The following CACNA1E variants were observed in gnomAD, a reference collection of about 807,000 sequenced individuals.
CACNA1E encodes the protein voltage-dependent R-type calcium channel subunit alpha-1E.
A neutral mutation model predicts 259.2 loss-of-function variants in CACNA1E; 40 were observed. That is an observed-to-expected ratio of 0.15 (90% confidence interval 0.12 to 0.20). The LOEUF is 0.20. Among genes scored for constraint, CACNA1E ranks in the 10% least tolerant of loss-of-function variants. The pLI, the probability that CACNA1E is intolerant of heterozygous loss-of-function variation, is 1.00. For synonymous variants in CACNA1E, 1,104 were observed against 1,138.5 expected (o/e 0.97, Z 0.61); for missense variants, 1,874 against 3,040.1 (o/e 0.62, Z 9.02).
At chr1:181,779,035 A>G (rs1196430969) in intron 38 of CACNA1E, among the ~76,000 whole-genome samples, 1 of 152,204 alleles carries the variant, frequency 6.6e-6, no homozygotes, top group Non-Finnish European at 1.5e-5. Flanking sequence ...TGAAAAGCAA[A>G]CAGTTCTGCA....
chr1:181,439,789 G>A (rs681590), intron 2 of CACNA1E, among the ~76,000 whole-genome samples: 9,365 of 152,204 alleles, frequency 0.062, 468 homozygotes, highest in African/African-American at 0.13. Flanking sequence ...ATTTTCCCGA[G>A]TGATGGCCAA....
chr1:181,668,089 A>G (rs1648423989), intron 7 of CACNA1E, among the ~76,000 whole-genome samples: 1 of 152,198 alleles, frequency 6.6e-6, no homozygotes, highest in African/African-American at 2.4e-5. Flanking sequence ...GTAAATTTGC[A>G]TAACCACTGC....
intron 1 of CACNA1E, among the ~76,000 whole-genome samples, chr1:181,508,718 A>G (rs1204936503): frequency 6.6e-6 from 1 of 152,152 alleles, no homozygotes; most frequent in Non-Finnish European, 1.5e-5. Context: ...TGGTCATGCT[A>G]GCTGGGTGGG....
intron 38 of CACNA1E, 44 bp from the exon 39 acceptor site, chr1:181,781,383 C>A: frequency 1.1e-6 from 1 of 931,716 alleles, no homozygotes; most frequent in Non-Finnish European, 1.7e-6. Context: ...ACCCCACTGC[C>A]CCGCTAACCC....
chr1:181,740,495 A>C (rs1265892514), intron 25 of CACNA1E, among the ~76,000 whole-genome samples: 2 of 144,564 alleles, frequency 1.4e-5, no homozygotes, highest in Non-Finnish European at 3.0e-5. Context: ...AAATTACCAG[A>C]TGTTTCTCAA....
chr1:181,373,102 T>C (rs1654824247), intron 1 of CACNA1E, among the ~76,000 whole-genome samples: 1 of 152,166 alleles, frequency 6.6e-6, no homozygotes, highest in African/African-American at 2.4e-5. Context: ...AGTTTTCTTT[T>C]TTCATTGTTT....
intron 1 of CACNA1E, among the ~76,000 whole-genome samples, chr1:181,494,000 T>A (rs993318056): frequency 6.6e-6 from 1 of 152,216 alleles, no homozygotes; most frequent in Non-Finnish European, 1.5e-5. Context: ...ACCATCCTCT[T>A]CCAGGCCTCC....
At position 181,451,135 on chromosome 1, in the gene CACNA1E, G is replaced by A. The variant is rs377735613; in HGVS notation, c.435-32609G>A. The stretch of plus-strand genomic sequence containing the variant: ...ATAGAAATACTTCTGTGCTGTTGAC[G>A]AATAGTCAGCCCTTAGCAGGCACTC... On this transcript the variant is annotated intron_variant, in intron 2 of 11. Transcript: ENST00000524607. Among the ~76,000 whole-genome samples the A allele has an allele frequency of 9.2e-5, 14 of 152,272 alleles. No homozygotes were observed. In the East Asian group the frequency reaches 1.5e-3, roughly 17 times the overall value.
chr1:181,722,581 A>G (rs1196059001), intron 16 of CACNA1E, among the ~76,000 whole-genome samples: 1 of 152,146 alleles, frequency 6.6e-6, no homozygotes, highest in Non-Finnish European at 1.5e-5. Context: ...CCAAGCTTCT[A>G]TTTTTTACAA....
chr1:181,403,283 T>C (rs878986189), intron 1 of CACNA1E, among the ~76,000 whole-genome samples: 25 of 151,654 alleles, frequency 1.6e-4, no homozygotes, highest in African/African-American at 4.4e-4. Context: ...TAGTATCTAG[T>C]ATAAAATTAA....
At chr1:181,467,550 TG>T (rs1337000105) in intron 2 of CACNA1E, among the ~76,000 whole-genome samples, 1 of 152,220 alleles carries the variant, frequency 6.6e-6, no homozygotes, top group African/African-American at 2.4e-5. Context: ...CAGCTTGGGT[TG>T]TCCCTTCAGA....
intron 3 of CACNA1E, among the ~76,000 whole-genome samples, chr1:181,551,509 G>A (rs547851681): frequency 9.6e-4 from 146 of 152,306 alleles, no homozygotes; most frequent in African/African-American, 2.6e-3. Flanking sequence ...AGACAGACCC[G>A]CCAGCTCAGC....
At chr1:181,360,900 G>A (rs555967693) in intron 1 of CACNA1E, among the ~76,000 whole-genome samples, 16 of 152,100 alleles carry the variant, frequency 1.1e-4, no homozygotes, top group Non-Finnish European at 2.1e-4. Context: ...TTGCCCCCTA[G>A]GGTTCTACCT....
Position 181,494,117 on chromosome 1 carries a change from A to G in CACNA1E, c.266+10107A>G, listed in dbSNP as rs115528894. ...CTTCCTTGATTTCTCTTGGCCGAAT[A>G]AGACCAGCTTCCTCCTTTGGGCTCT... On this transcript the variant is annotated intron_variant, in intron 1 of 47. Coordinates refer to ENST00000367573, the MANE Select transcript of CACNA1E (RefSeq NM_001205293.3). 2.2e-3 allele frequency among the ~76,000 whole-genome samples: 328 copies of G among 152,348 alleles called. 1 individual carries two copies. Among genetic ancestry groups the G allele is most frequent in the Non-Finnish European group, 3.9e-3 (265 of 68,038 alleles).
At chr1:181,423,819 C>T (rs1242630020) in intron 2 of CACNA1E, among the ~76,000 whole-genome samples, 1 of 152,098 alleles carries the variant, frequency 6.6e-6, no homozygotes, top group Non-Finnish European at 1.5e-5. Flanking sequence ...ACCACTATTG[C>T]CAAAAGGGTG....
intron 7 of CACNA1E, among the ~76,000 whole-genome samples, chr1:181,662,385 C>G (rs1002085447): frequency 6.6e-6 from 1 of 152,134 alleles, no homozygotes; most frequent in Admixed American, 6.5e-5. Flanking sequence ...TGCCCTGGCT[C>G]CCTGTCTGGG....
At chr1:181,703,944 T>C (rs1294531379) in intron 7 of CACNA1E, among the ~76,000 whole-genome samples, 2 of 148,758 alleles carry the variant, frequency 1.3e-5, no homozygotes, top group African/African-American at 4.9e-5. Context: ...TGTAATGCCA[T>C]TTATTTGCCT....
intron 7 of CACNA1E, among the ~76,000 whole-genome samples, chr1:181,665,624 A>G (rs1397497550): frequency 1.3e-5 from 2 of 152,204 alleles, no homozygotes; most frequent in Admixed American, 6.5e-5. Context: ...TCTCACCACA[A>G]AGAAATGATA....
At chr1:181,780,644 C>T (rs1266077424) in intron 38 of CACNA1E, among the ~76,000 whole-genome samples, 2 of 152,206 alleles carry the variant, frequency 1.3e-5, no homozygotes, top group South Asian at 2.1e-4. Flanking sequence ...AACCCGCAGC[C>T]GCATGTGGGA....
Sources: allele counts gnomAD v4.1 joint callset (sites outside exome capture counted in the v4.1 genomes callset), GRCh38; gene constraint gnomAD v4.1.1; transcripts MANE v1.5; gene names NCBI Gene and HGNC (gene_info 2026-07-23, HGNC 2026-07-21).